The following WDR33 variants were observed in gnomAD, a reference collection of about 807,000 sequenced individuals.
WDR33 encodes the protein WD repeat domain 33.
In WDR33, 47 loss-of-function variants were observed where a neutral mutation model predicts 164.9. That is an observed-to-expected ratio of 0.29 (90% confidence interval 0.23 to 0.36). The LOEUF is 0.36. Among genes scored for constraint, WDR33 ranks in the 10% least tolerant of loss-of-function variants. WDR33 has a pLI of 1.00. For missense variants in WDR33, 1,137 were observed against 1,754.1 expected (o/e 0.65, Z 6.28); for synonymous variants, 505 against 589.0 (o/e 0.86, Z 2.06).
At chr2:127,769,429 T>G (rs932087799) in intron 2 of WDR33, among the ~76,000 whole-genome samples, 2 of 151,484 alleles carry the variant, frequency 1.3e-5, no homozygotes, top group African/African-American at 2.4e-5. Flanking sequence ...AGATTCCATC[T>G]CAAAAAAACA....
Position 127,708,016 on chromosome 2 carries a change from G to A in WDR33, c.3781+661C>T, listed in dbSNP as rs1348733798. ...GTCCATACAGACAGGCCAACTTCAG[G>A]AGCAGAGCACAAGCTGGGGCATGCG... On this transcript the variant is annotated intron_variant, in intron 21 of 21. Transcript: ENST00000322313. The surrounding 1 kb of genome is among the most constrained non-coding windows in gnomAD (Gnocchi z 6.7). Among the ~76,000 whole-genome samples the A allele has an allele frequency of 1.3e-5, 2 of 152,142 alleles. No individual in the cohort carries two copies. The highest frequency in any genetic ancestry group is 1.9e-4 in the East Asian group (1 of 5,190).
chr2:127,800,961 T>C lies in WDR33; in HGVS notation c.-24+10051A>G, dbSNP rs149880741. On this transcript the variant is annotated intron_variant, in intron 1 of 21. Transcript: ENST00000322313. ...TAGCTGTAGTGATGGAATATTACTA[T>C]TATTGGGCTGTAAAACTTTAGGATG... Among the ~76,000 whole-genome samples, 10 of 152,110 alleles carry C rather than the reference T, an allele frequency of 6.6e-5. No individual in the cohort carries two copies. The East Asian group carries it at 1.9e-3, about 29-fold the overall frequency.
chr2:127,767,188 G>C (rs1687848919), intron 4 of WDR33, among the ~76,000 whole-genome samples: 1 of 152,000 alleles, frequency 6.6e-6, no homozygotes, highest in African/African-American at 2.4e-5. Context: ...GATATCAGAA[G>C]ATCTGCTTAT....
chr2:127,799,553 G>T (rs1184551307), intron 1 of WDR33, among the ~76,000 whole-genome samples: 1 of 152,142 alleles, frequency 6.6e-6, no homozygotes, highest in Non-Finnish European at 1.5e-5. Context: ...CCAGCACTTT[G>T]GGAGGCCAAG....
chr2:127,752,919 A>ATTTAT (rs1399069884), intron 7 of WDR33, among the ~76,000 whole-genome samples: 1 of 151,976 alleles, frequency 6.6e-6, no homozygotes, highest in Non-Finnish European at 1.5e-5. Flanking sequence ...ATAAGACTTT[A>ATTTAT]TTTATTTATT....
At chr2:127,781,123 C>T (rs890185585) in intron 1 of WDR33, among the ~76,000 whole-genome samples, 4 of 152,158 alleles carry the variant, frequency 2.6e-5, no homozygotes, top group African/African-American at 7.2e-5. Flanking sequence ...CGCAGCCTCC[C>T]GAAGTGCTGG....
At chr2:127,762,886 C>T (rs1687718907) in intron 7 of WDR33, 176 bp downstream of exon 7, 1 of 1,407,732 alleles carries the variant, frequency 7.1e-7, no homozygotes, top group Non-Finnish European at 9.3e-7. Context: ...TAGTAAAAAC[C>T]TACAAAATGA....
In WDR33 at chr2:127,714,490, T is replaced by A. The variant is rs1272016156; in HGVS notation, c.2870-469A>T. Among the ~76,000 whole-genome samples the A allele has an allele frequency of 3.9e-5, 6 of 152,164 alleles. No individual in the cohort carries two copies. The highest frequency in any genetic ancestry group is 3.9e-4 in the Admixed American group (6 of 15,278). On this transcript the variant is annotated intron_variant, in intron 17 of 21. Coordinates refer to ENST00000322313, the MANE Select transcript of WDR33 (RefSeq NM_018383.5). The surrounding 1 kb of genome is among the most constrained non-coding windows in gnomAD (Gnocchi z 4.3). ...CAGGGTGCCACTGCCACCCATGACATCCCTCCTCTAACCCCAGCTTGTTGC... is the reference window on the plus strand; with the variant it reads ...CAGGGTGCCACTGCCACCCATGACAACCCTCCTCTAACCCCAGCTTGTTGC...
Position 127,709,758 on chromosome 2 carries a change from A to C in WDR33, c.3407T>G (p.Phe1136Cys), listed in dbSNP as rs775359034. 6.2e-7 allele frequency: 1 copy of C among 1,614,204 alleles called. No individual in the cohort carries two copies. Residue 1136 changes from phenylalanine to cysteine, a missense_variant, in exon 19 of 22, where the codon TTT becomes TGT. Around this residue, in one of 9 missense-constraint regions of WDR33, gnomAD observed 867 missense variants for 1,073.0 expected, o/e 0.81. Coordinates refer to ENST00000322313, the MANE Select transcript of WDR33 (RefSeq NM_018383.5). This position sits in a 1 kb window ranked among gnomAD's most constrained non-coding sequence, Gnocchi z 5.0. ...GPEDFGPEENFDASEEAARGR... is the reference protein window; with the variant it reads ...GPEDFGPEENCDASEEAARGR... ...TCGGGCCGCTTCCTCAGAAGCATCAAAATTCTCCTCTGGACCAAAGTCTTC... is the reference window on the plus strand; with the variant it reads ...TCGGGCCGCTTCCTCAGAAGCATCACAATTCTCCTCTGGACCAAAGTCTTC...
In WDR33 at chr2:127,701,378, C is replaced by G. The variant is rs13427745; in HGVS notation, c.*4945G>C. On this transcript the variant is annotated 3_prime_UTR_variant, in exon 22 of 22. Transcript: ENST00000322313. ...CGGTACTTGGGGACACCACAAAAGT[C>G]CGCAGAGCAGGCACCGCGGCACTTC... The G allele has an allele frequency of 8.3e-6, 6 of 725,958 alleles. No homozygotes were observed. In the East Asian group the frequency reaches 2.1e-4, roughly 26 times the overall value. The allele number at this position is 725,958 out of a possible 1,614,324, so 45.0% of individuals were successfully genotyped here.
At position 127,724,227 on chromosome 2, in the gene WDR33, G is replaced by T; in HGVS notation, c.1196+106C>A. 1.3e-6 allele frequency: 1 copy of T among 788,746 alleles called. No individual in the cohort carries two copies. Among genetic ancestry groups the T allele is most frequent in the Non-Finnish European group, 2.0e-6 (1 of 511,442 alleles). 48.9% of individuals were successfully genotyped at this position (788,746 alleles called of 1,614,324 possible). ...ACTACAAAAATATTCCCAAGAATAA[G>T]TTGGAATATAAATTACTATATCAAT... On this transcript the variant is annotated intron_variant, in intron 11 of 21. Transcript: ENST00000322313. The surrounding 1 kb of genome is among the most constrained non-coding windows in gnomAD (Gnocchi z 4.8).
intron 1 of WDR33, among the ~76,000 whole-genome samples, chr2:127,782,829 G>A (rs1276545893): frequency 6.6e-6 from 1 of 152,178 alleles, no homozygotes; most frequent in Non-Finnish European, 1.5e-5. Flanking sequence ...CTAACATGGT[G>A]AAACCCCATC....
Position 127,722,139 on chromosome 2 carries a change from C to G in WDR33, c.1519-151G>C. On this transcript the variant is annotated intron_variant, in intron 14 of 21. Transcript: ENST00000322313. The surrounding 1 kb of genome is among the most constrained non-coding windows in gnomAD (Gnocchi z 5.1). ...TTTTCTCCATGACTCAAGTACATGA[C>G]TCATGCTAATTCTTACTGACATATT... 2.2e-6 allele frequency: 2 copies of G among 896,596 alleles called. No individual in the cohort carries two copies. The highest frequency in any genetic ancestry group is 3.3e-6 in the Non-Finnish European group (2 of 606,608). 55.5% of individuals were successfully genotyped at this position (896,596 alleles called of 1,614,324 possible).
intron 1 of WDR33, among the ~76,000 whole-genome samples, chr2:127,773,104 C>T (rs764073571): frequency 6.6e-6 from 1 of 151,942 alleles, no homozygotes; most frequent in Non-Finnish European, 1.5e-5. Context: ...CCACTGCACT[C>T]CAACCTGGGT....
At chr2:127,806,290 C>G (rs1689438922) in intron 1 of WDR33, among the ~76,000 whole-genome samples, 1 of 150,828 alleles carries the variant, frequency 6.6e-6, no homozygotes, top group South Asian at 2.1e-4. Flanking sequence ...TCACTACAAC[C>G]TCCACCTCCT....
chr2:127,802,360 C>T (rs1473480361), intron 1 of WDR33, among the ~76,000 whole-genome samples: 5 of 152,148 alleles, frequency 3.3e-5, no homozygotes, highest in Admixed American at 1.3e-4. Flanking sequence ...ACTTTTTCTT[C>T]AGCCTCCGTC....
chr2:127,810,251 G>C lies in WDR33; in HGVS notation c.-24+761C>G, dbSNP rs541031849. Among the ~76,000 whole-genome samples the C allele has an allele frequency of 1.8e-3, 277 of 152,176 alleles. 3 individuals are homozygous for C. The highest frequency in any genetic ancestry group is 6.5e-3 in the African/African-American group (268 of 41,502). On this transcript the variant is annotated intron_variant, in intron 1 of 21. Coordinates refer to ENST00000322313, the MANE Select transcript of WDR33 (RefSeq NM_018383.5). ...GTAGAAACTACTTTAAAACATTCTT[G>C]ACAGGCTTTCTACAAGTAGCCCGTA... is the stretch of plus-strand genomic sequence containing the variant.
chr2:127,761,009 A>C (rs889302067), intron 7 of WDR33, among the ~76,000 whole-genome samples: 27 of 152,198 alleles, frequency 1.8e-4, no homozygotes, highest in African/African-American at 6.0e-4. Context: ...TCCCCTGCAC[A>C]CTCTAAATTT....
In WDR33 at chr2:127,738,343, A is replaced by G. The variant is rs1024735315; in HGVS notation, c.725-11566T>C. Reference sequence around the variant, plus strand: ...TATCCATTTAGTCCATACTGATATAAGCAAATAACTGAATAAATAAGTGGA... The same window carrying G: ...TATCCATTTAGTCCATACTGATATAGGCAAATAACTGAATAAATAAGTGGA... On this transcript the variant is annotated intron_variant, in intron 7 of 21. Transcript: ENST00000322313. The surrounding 1 kb of genome is among the most constrained non-coding windows in gnomAD (Gnocchi z 4.4). 3.3e-5 allele frequency among the ~76,000 whole-genome samples: 5 copies of G among 152,224 alleles called. No homozygotes were observed. The highest frequency in any genetic ancestry group is 7.4e-5 in the Non-Finnish European group (5 of 68,022).
Sources: allele counts gnomAD v4.1 joint callset (sites outside exome capture counted in the v4.1 genomes callset), GRCh38; gene constraint gnomAD v4.1.1; regional missense constraint gnomAD v4.1.1; non-coding constraint Gnocchi (gnomAD v3.1); transcripts MANE v1.5; gene names NCBI Gene and HGNC (gene_info 2026-07-23, HGNC 2026-07-21).